Variants in SNTG1 observed in about 807,000 individuals in gnomAD.
SNTG1 encodes gamma-1-syntrophin.
SNTG1 carries 39 observed loss-of-function variants against 74.7 expected under a neutral mutation model. The observed-to-expected ratio is 0.52, with a 90% confidence interval of 0.40 to 0.68. SNTG1 has a LOEUF of 0.68. Ranked by LOEUF, SNTG1 falls within the 30% of genes least tolerant of loss-of-function variation. The pLI is 0.00. For missense variants in SNTG1, 685 were observed against 609.5 expected (o/e 1.12, Z -1.30); for synonymous variants, 254 against 217.1 (o/e 1.17, Z -1.49).
chr8:50,554,478 T>C (rs1397921222), intron 12 of SNTG1, among the ~76,000 whole-genome samples: 1 of 119,214 alleles, frequency 8.4e-6, no homozygotes, highest in Non-Finnish European at 1.6e-5. Flanking sequence ...CAGATTTTCC[T>C]TTTTTTTTTT....
intron 15 of SNTG1, among the ~76,000 whole-genome samples, chr8:50,696,042 TA>T (rs2095403844): frequency 6.6e-6 from 1 of 151,962 alleles, no homozygotes; most frequent in African/African-American, 2.4e-5. Flanking sequence ...GGAATCTCCA[TA>T]TTGTTTTCCA....
At chr8:50,689,402 A>C (rs1262078544) in intron 15 of SNTG1, among the ~76,000 whole-genome samples, 1 of 151,962 alleles carries the variant, frequency 6.6e-6, no homozygotes, top group Admixed American at 6.6e-5. Flanking sequence ...GATAGCTCTT[A>C]TTTTTTTGAG....
intron 2 of SNTG1, among the ~76,000 whole-genome samples, chr8:50,234,416 T>C (rs973416042): frequency 1.3e-5 from 2 of 151,394 alleles, no homozygotes; most frequent in Non-Finnish European, 3.0e-5. Flanking sequence ...TACGAGGGAG[T>C]TGTGGTCATG....
intron 2 of SNTG1, among the ~76,000 whole-genome samples, chr8:50,381,753 A>G (rs952450624): frequency 7.2e-5 from 10 of 139,098 alleles, no homozygotes; most frequent in Non-Finnish European, 1.6e-4. Context: ...TATATAGGAT[A>G]TATATATCCT....
intron 2 of SNTG1, among the ~76,000 whole-genome samples, chr8:50,268,910 C>T (rs1430112927): frequency 1.3e-5 from 2 of 152,224 alleles, no homozygotes; most frequent in Admixed American, 6.5e-5. Context: ...ATGTCTGCCT[C>T]GGCCTCCTAA....
chr8:50,750,431 C>G (rs747644391), intron 17 of SNTG1, among the ~76,000 whole-genome samples: 22 of 151,932 alleles, frequency 1.4e-4, no homozygotes, highest in Non-Finnish European at 2.8e-4. Context: ...TAAACAGCAG[C>G]AGGATTTGAG....
At chr8:50,481,349 C>A (rs1470639161) in intron 8 of SNTG1, among the ~76,000 whole-genome samples, 2 of 152,088 alleles carry the variant, frequency 1.3e-5, no homozygotes, top group African/African-American at 4.8e-5. Context: ...CCATTGCACT[C>A]CAGCATGGGC....
chr8:50,457,021 G>A (rs1387678576), intron 8 of SNTG1: 1 of 152,170 alleles, frequency 6.6e-6, no homozygotes, highest in Non-Finnish European at 1.5e-5. Flanking sequence ...ACAATAACCA[G>A]CTGATCAAAC....
intron 1 of SNTG1, among the ~76,000 whole-genome samples, chr8:49,998,469 AAC>A (rs1380178461): frequency 1.6e-4 from 24 of 152,142 alleles, no homozygotes; most frequent in Non-Finnish European, 3.1e-4. Context: ...AACAAAGCTT[AAC>A]ACACAGACAC....
intron 2 of SNTG1, among the ~76,000 whole-genome samples, chr8:50,388,335 T>A (rs1343116059): frequency 6.6e-6 from 1 of 152,188 alleles, no homozygotes; most frequent in African/African-American, 2.4e-5. Flanking sequence ...TATCAATACT[T>A]GAGTAGTAGT....
intron 2 of SNTG1, among the ~76,000 whole-genome samples, chr8:50,192,289 C>T (rs1303557090): frequency 6.6e-6 from 1 of 152,130 alleles, no homozygotes; most frequent in African/African-American, 2.4e-5. Flanking sequence ...AACTCATCTG[C>T]TTTTTAGGTT....
intron 1 of SNTG1, among the ~76,000 whole-genome samples, chr8:50,058,340 G>T (rs752916653): frequency 2.5e-4 from 38 of 152,044 alleles, no homozygotes; most frequent in African/African-American, 7.5e-4. Context: ...TAGAAATCCC[G>T]ATCAGTGGTT....
At chr8:50,592,082 A>G (rs766550341) in intron 13 of SNTG1, among the ~76,000 whole-genome samples, 1 of 152,170 alleles carries the variant, frequency 6.6e-6, no homozygotes, top group Admixed American at 6.5e-5. Flanking sequence ...AGAACTGCAG[A>G]TAAGTGTAGT....
chr8:50,281,433 A>G (rs2088448945), intron 2 of SNTG1, among the ~76,000 whole-genome samples: 1 of 152,206 alleles, frequency 6.6e-6, no homozygotes, highest in African/African-American at 2.4e-5. Context: ...CAATACATTC[A>G]AGTCTATCCA....
At chr8:50,564,489 A>T (rs761004237) in intron 12 of SNTG1, among the ~76,000 whole-genome samples, 1 of 152,090 alleles carries the variant, frequency 6.6e-6, no homozygotes, top group African/African-American at 2.4e-5. Context: ...ATTTAAACTC[A>T]TGTATGGGCC....
intron 17 of SNTG1, among the ~76,000 whole-genome samples, chr8:50,725,911 C>T (rs1423653719): frequency 6.6e-6 from 1 of 152,194 alleles, no homozygotes; most frequent in Non-Finnish European, 1.5e-5. Flanking sequence ...TCTCTACCCA[C>T]GCTTCCTGAG....
At chr8:50,600,085 T>C (rs2094761505) in intron 13 of SNTG1, among the ~76,000 whole-genome samples, 1 of 152,214 alleles carries the variant, frequency 6.6e-6, no homozygotes, top group African/African-American at 2.4e-5. Flanking sequence ...CCTCATTCTG[T>C]TGACATGATG....
chr8:50,115,462 TGG>T (rs1299891480), intron 1 of SNTG1, among the ~76,000 whole-genome samples: 2 of 147,846 alleles, frequency 1.4e-5, no homozygotes, highest in African/African-American at 5.0e-5. Context: ...GCTACTGGGG[TGG>T]CTAGGTGGGA....
intron 17 of SNTG1, among the ~76,000 whole-genome samples, chr8:50,737,451 T>C (rs2095531799): frequency 6.6e-6 from 1 of 152,044 alleles, no homozygotes; most frequent in African/African-American, 2.4e-5. Context: ...CAGGACTAGA[T>C]GGATTCACAG....
Sources: gnomAD v4.1 joint callset for allele counts (sites outside exome capture counted in the v4.1 genomes callset) on GRCh38, gnomAD v4.1.1 for gene constraint, MANE v1.5 for transcripts, NCBI Gene and HGNC (gene_info 2026-07-23, HGNC 2026-07-21) for gene names.